DIAPH1: variants seen among roughly 807,000 people sequenced by gnomAD.
The protein encoded by DIAPH1 is diaphanous related formin 1, also known as protein diaphanous homolog 1.
A neutral mutation model predicts 140.7 loss-of-function variants in DIAPH1; 46 were observed. That is an observed-to-expected ratio of 0.33 (90% confidence interval 0.26 to 0.42). The LOEUF (loss-of-function observed/expected upper bound fraction) is 0.42. DIAPH1 is among the 10% of genes least tolerant of loss of function. The pLI is 1.00. For synonymous variants in DIAPH1, 565 were observed against 551.6 expected (o/e 1.02, Z -0.34); for missense variants, 1,310 against 1,558.7 (o/e 0.84, Z 2.69).
intron 1 of DIAPH1, among the ~76,000 whole-genome samples, chr5:141,593,510 T>C (rs1362854946): frequency 6.6e-6 from 1 of 152,184 alleles, no homozygotes; most frequent in African/African-American, 2.4e-5. Flanking sequence ...GTGTCTTCTC[T>C]GGGGAATCAA....
chr5:141,586,796 T>C (rs1033601061), intron 3 of DIAPH1, among the ~76,000 whole-genome samples: 3 of 152,204 alleles, frequency 2.0e-5, no homozygotes, highest in African/African-American at 4.8e-5. Flanking sequence ...GGCTAAAGTG[T>C]TGCTGGGCAG....
rs201643914 is a variant in DIAPH1, at chr5:141,574,973, T to C, written c.1635A>G (p.Thr545=). The change falls in exon 15 of 28, where the codon ACA becomes ACG. Residue 545 remains threonine, a synonymous_variant. Transcript: ENST00000389054. Reference sequence around the variant, plus strand: ...TTCCCTGCTCAGGCATTACCTCTCCTGTGAGCTGGGACACCTCTGCTTCCA... The same window carrying C: ...TTCCCTGCTCAGGCATTACCTCTCCCGTGAGCTGGGACACCTCTGCTTCCA... ...QDLEAEVSQL[T]GEVAKLTKEL... is the part of the protein sequence containing the mutation. 1.2e-6 allele frequency: 2 copies of C among 1,614,102 alleles called. No homozygotes were observed. The highest frequency in any genetic ancestry group is 1.3e-5 in the African/African-American group (1 of 74,938).
At chr5:141,554,893 G>T (rs1326456424) in intron 18 of DIAPH1, among the ~76,000 whole-genome samples, 1 of 152,050 alleles carries the variant, frequency 6.6e-6, no homozygotes, top group African/African-American at 2.4e-5. Context: ...AAACTTCTTT[G>T]ACAATGTGTA....
chr5:141,576,327 C>T, intron 13 of DIAPH1, 33 bp from the exon 14 acceptor site: 2 of 1,523,564 alleles, frequency 1.3e-6, no homozygotes, highest in African/African-American at 2.7e-5. Flanking sequence ...AGTAAAGCTC[C>T]TAATTCTCTT....
Position 141,577,554 on chromosome 5 carries a change from C to A in DIAPH1, c.1201G>T (p.Val401Leu). 1 of 1,613,862 alleles carries A rather than the reference C, an allele frequency of 6.2e-7. No homozygotes were observed. Among genetic ancestry groups the A allele is most frequent in the Non-Finnish European group, 8.5e-7 (1 of 1,179,750 alleles). ...NEVFQILLNT[V>L]KDSKAEPHFL... ...TGTGGCTCTGCCTTTGAATCCTTCA[C>A]TGTGTTTAAGAGAATCTGAAAGACT... The change falls in exon 12 of 28, where the codon GTG becomes TTG. Residue 401 changes from valine to leucine, a missense_variant. Coordinates refer to ENST00000389054, the MANE Select transcript of DIAPH1 (RefSeq NM_005219.5).
rs250790 is a variant in DIAPH1 at position 141,523,265 on chromosome 5, T to A, written c.3661+878A>T. 3.3e-5 allele frequency among the ~76,000 whole-genome samples: 5 copies of A among 152,350 alleles called. No homozygotes were observed. In the East Asian group the frequency reaches 7.7e-4, roughly 23 times the overall value. ...AGAAACCTCTAATGATGCCTTTTTT[T>A]GTAATTCCCACTCTTCAAATTAGTA... On this transcript the variant is annotated intron_variant, in intron 27 of 27. Coordinates refer to ENST00000389054, the MANE Select transcript of DIAPH1 (RefSeq NM_005219.5).
At chr5:141,615,268 A>C (rs1261271157) in intron 1 of DIAPH1, among the ~76,000 whole-genome samples, 1 of 149,016 alleles carries the variant, frequency 6.7e-6, no homozygotes, top group East Asian at 2.0e-4. Context: ...ACCAGTCTCT[A>C]CTAAAAATAC....
At chr5:141,551,475 T>C (rs957519230) in intron 18 of DIAPH1, among the ~76,000 whole-genome samples, 3 of 151,886 alleles carry the variant, frequency 2.0e-5, no homozygotes, top group Non-Finnish European at 4.4e-5. Context: ...TAACTTACCC[T>C]CAAATAGTTC....
At chr5:141,584,635 C>G (rs1221339903) in intron 3 of DIAPH1, among the ~76,000 whole-genome samples, 1 of 152,198 alleles carries the variant, frequency 6.6e-6, no homozygotes, top group Non-Finnish European at 1.5e-5. Context: ...TGCACCAACT[C>G]TAGGGCCTAC....
chr5:141,551,268 AG>A (rs1193696543), intron 18 of DIAPH1, among the ~76,000 whole-genome samples: 1 of 152,192 alleles, frequency 6.6e-6, no homozygotes, highest in Non-Finnish European at 1.5e-5. Flanking sequence ...TGGGCAACAT[AG>A]TGAGACCACA....
Position 141,577,607 on chromosome 5 carries a change from A to G in DIAPH1, c.1164-16T>C, listed in dbSNP as rs1562324905. ...ATTAAAGTCAGTGGAAAAGGGAAATAGGCTAAGGAAAGCAAATATGCAGAA... is the reference window on the plus strand; with the variant it reads ...ATTAAAGTCAGTGGAAAAGGGAAATGGGCTAAGGAAAGCAAATATGCAGAA... On this transcript the variant is annotated splice_polypyrimidine_tract_variant and intron_variant, in intron 11 of 27. Coordinates refer to ENST00000389054, the MANE Select transcript of DIAPH1 (RefSeq NM_005219.5). 1 of 1,522,506 alleles carries G rather than the reference A, an allele frequency of 6.6e-7. No homozygotes were observed. Among genetic ancestry groups the G allele is most frequent in the Middle Eastern group, 1.7e-4 (1 of 5,890 alleles). The allele number at this position is 1,522,506 out of a possible 1,614,324, so 94.3% of individuals were successfully genotyped here. A position where few individuals can be genotyped will look rare whatever the true frequency, so the allele number is the denominator to read the frequency against.
chr5:141,543,809 ATACTT>A (rs559182583), intron 18 of DIAPH1, among the ~76,000 whole-genome samples: 86 of 152,362 alleles, frequency 5.6e-4, no homozygotes, highest in South Asian at 1.2e-3. Flanking sequence ...ATGGGATTGT[ATACTT>A]TAAAGATGAA....
intron 18 of DIAPH1, among the ~76,000 whole-genome samples, chr5:141,545,195 G>T (rs1253897129): frequency 2.6e-5 from 4 of 152,174 alleles, no homozygotes; most frequent in African/African-American, 9.7e-5. Flanking sequence ...GGAACTTTTT[G>T]GAGTGACTGT....
At chr5:141,592,482 C>T (rs891507741) in intron 1 of DIAPH1, among the ~76,000 whole-genome samples, 6 of 131,870 alleles carry the variant, frequency 4.5e-5, no homozygotes, top group Admixed American at 7.3e-5. Context: ...TAGATCATGA[C>T]AAGTTAACAA....
rs547573683 is a variant in DIAPH1 at position 141,522,919 on chromosome 5, C to G, written c.3661+1224G>C. Reference sequence around the variant, plus strand: ...TTCTGAAGTCATACAAGAGAACCCTCAGAAGGGAGTATCACTCTGGTTATT... The same window carrying G: ...TTCTGAAGTCATACAAGAGAACCCTGAGAAGGGAGTATCACTCTGGTTATT... On this transcript the variant is annotated intron_variant, in intron 27 of 27. Transcript: ENST00000389054. Among the ~76,000 whole-genome samples, 13 of 152,286 alleles carry G rather than the reference C, an allele frequency of 8.5e-5. No individual in the cohort carries two copies. In the South Asian group the frequency reaches 2.1e-3, roughly 24 times the overall value.
chr5:141,554,929 C>T (rs1009825711), intron 18 of DIAPH1, among the ~76,000 whole-genome samples: 1 of 151,970 alleles, frequency 6.6e-6, no homozygotes, highest in African/African-American at 2.4e-5. Context: ...ACAGGCAAAA[C>T]CCTTCAGGAT....
intron 19 of DIAPH1, among the ~76,000 whole-genome samples, chr5:141,531,782 C>G (rs1381525636): frequency 6.6e-6 from 1 of 152,178 alleles, no homozygotes; most frequent in Non-Finnish European, 1.5e-5. Context: ...GCCACTGCAC[C>G]TAGCCTAATT....
chr5:141,602,189 ATT>A (rs2099900250), intron 1 of DIAPH1, among the ~76,000 whole-genome samples: 7 of 152,244 alleles, frequency 4.6e-5, no homozygotes, highest in African/African-American at 1.7e-4. Context: ...TTCAGTTACC[ATT>A]GAGGCCTGAT....
At chr5:141,580,453 A>G (rs2099896579) in intron 8 of DIAPH1, among the ~76,000 whole-genome samples, 1 of 151,992 alleles carries the variant, frequency 6.6e-6, no homozygotes, top group Non-Finnish European at 1.5e-5. Context: ...TCTGAATTAA[A>G]AAAAAAAAGA....
Sources: allele counts gnomAD v4.1 joint callset (sites outside exome capture counted in the v4.1 genomes callset), GRCh38; gene constraint gnomAD v4.1.1; transcripts MANE v1.5; gene names NCBI Gene and HGNC (gene_info 2026-07-23, HGNC 2026-07-21).